The following PIEZO1 variants were observed in gnomAD, a reference collection of about 807,000 sequenced individuals.
The protein encoded by PIEZO1 is piezo-type mechanosensitive ion channel component 1.
A neutral mutation model predicts 297.2 loss-of-function variants in PIEZO1; 296 were observed. That is an observed-to-expected ratio of 1.00 (90% CI 0.91 to 1.10). The LOEUF (loss-of-function observed/expected upper bound fraction) is 1.10. PIEZO1 is among the 50% of genes least tolerant of loss of function. PIEZO1 has a pLI of 0.00. For missense variants in PIEZO1, 5,018 were observed against 3,455.5 expected (o/e 1.45, Z -11.34); for synonymous variants, 2,427 against 1,507.5 (o/e 1.61, Z -14.13).
At position 88,733,920 on chromosome 16, in the gene PIEZO1, G is replaced by A. The variant is rs561264067; in HGVS notation, c.2315C>T (p.Thr772Met). 3.9e-5 allele frequency: 59 copies of A among 1,516,080 alleles called. No individual in the cohort carries two copies. Among genetic ancestry groups the A allele is most frequent in the South Asian group, 8.6e-5 (7 of 81,048 alleles). The allele number at this position is 1,516,080 out of a possible 1,614,324, so 93.9% of individuals were successfully genotyped here. A position where few individuals can be genotyped will look rare whatever the true frequency, so the allele number is the denominator to read the frequency against. ...GCCCAACCCACCTTCAGGCACCTGC[G>A]TGGCCTGGTGGGGAGTGGCCACGCC... ...GLGVATPHQA[T>M]QVPEGAAKWG... The change falls in exon 17 of 51, where the codon ACG (threonine) becomes ATG (methionine). Residue 772 changes from threonine (T) to methionine (M), a missense_variant. Coordinates refer to ENST00000301015, the MANE Select transcript of PIEZO1 (RefSeq NM_001142864.4).
At chr16:88,773,175 C>G (rs187254538) in intron 1 of PIEZO1, among the ~76,000 whole-genome samples, 8 of 152,344 alleles carry the variant, frequency 5.3e-5, no homozygotes, top group Non-Finnish European at 7.4e-5. Flanking sequence ...CTCATTGATT[C>G]AGGCTGAGCC....
chr16:88,762,395 C>G (rs754593389), intron 1 of PIEZO1, among the ~76,000 whole-genome samples: 4 of 152,216 alleles, frequency 2.6e-5, no homozygotes, highest in African/African-American at 9.7e-5. Flanking sequence ...ACCCTTGGAT[C>G]GGCCCTGCCC....
chr16:88,737,470 G>C (rs1905299549), intron 10 of PIEZO1, 89 bp downstream of exon 10: 2 of 878,532 alleles, frequency 2.3e-6, no homozygotes, highest in Non-Finnish European at 3.4e-6. Flanking sequence ...GCGCGAGCAT[G>C]CGAGAGCGCC....
rs1391230869 is a variant in PIEZO1, at chr16:88,731,815, C to A, written c.3087G>T (p.Arg1029Ser). ...GCWLVAILTRRHRQAIARLWP... is the reference protein window; with the variant it reads ...GCWLVAILTRSHRQAIARLWP... The stretch of plus-strand genomic sequence containing the variant: ...AGAGGCGGGCAATGGCCTGGCGGTG[C>A]CTGCGGGTGAGGATGGCCACCAGCC... Residue 1029 changes from arginine (R) to serine (S), a missense_variant, in exon 22 of 51, where the codon AGG (arginine) becomes AGT (serine). Arg to Ser is a moderately radical substitution (Grantham distance 110, BLOSUM62 -1). Coordinates refer to ENST00000301015, the MANE Select transcript of PIEZO1 (RefSeq NM_001142864.4). 1 of 1,353,066 alleles carries A rather than the reference C, an allele frequency of 7.4e-7. No homozygotes were observed. Among genetic ancestry groups the A allele is most frequent in the Admixed American group, 2.4e-5 (1 of 41,474 alleles). 83.8% of individuals were successfully genotyped at this position (1,353,066 alleles called of 1,614,324 possible).
At chr16:88,775,726 C>CAAAAAAAAAAAAAA (rs3052234) in intron 1 of PIEZO1, among the ~76,000 whole-genome samples, 1 of 98,706 alleles carries the variant, frequency 1.0e-5, no homozygotes, top group East Asian at 2.8e-4. Context: ...AAGACGCTGT[C>CAAAAAAAAAAAAAA]AAAAAAAAAA....
At chr16:88,739,451 G>C (rs988988849) in intron 5 of PIEZO1, 1 of 152,198 alleles carries the variant, frequency 6.6e-6, no homozygotes, top group African/African-American at 2.4e-5. Context: ...GGCTGCCACC[G>C]GCCCAGTGTC....
At chr16:88,783,855 A>C (rs1332603894) in intron 1 of PIEZO1, among the ~76,000 whole-genome samples, 8 of 152,184 alleles carry the variant, frequency 5.3e-5, no homozygotes, top group Admixed American at 6.5e-5. Flanking sequence ...AGATCCCCAA[A>C]GCTAGCGCTG....
Position 88,715,509 on chromosome 16 carries a change from C to A in PIEZO1, c.*96G>T, listed in dbSNP as rs1000925279. The A allele has an allele frequency of 4.7e-6, 6 of 1,287,494 alleles. No individual in the cohort carries two copies. The highest frequency in any genetic ancestry group is 6.4e-6 in the Non-Finnish European group (6 of 936,610). 79.8% of individuals were successfully genotyped at this position (1,287,494 alleles called of 1,614,324 possible). A position where few individuals can be genotyped will look rare whatever the true frequency, so the allele number is the denominator to read the frequency against. ...ATGCATCACAGCTGGCGGCCTTGGA[C>A]GGGGCAGTGGCTCCCCCGGCCTGAG... On this transcript the variant is annotated 3_prime_UTR_variant, in exon 51 of 51. Transcript: ENST00000301015.
intron 1 of PIEZO1, among the ~76,000 whole-genome samples, chr16:88,752,736 T>C (rs993445403): frequency 1.1e-4 from 16 of 151,996 alleles, no homozygotes; most frequent in African/African-American, 3.9e-4. Context: ...GATGGGGGCA[T>C]GGGAGGCACC....
At chr16:88,719,358 A>G in intron 44 of PIEZO1, 1 of 566,366 alleles carries the variant, frequency 1.8e-6, no homozygotes, top group South Asian at 2.0e-5. Context: ...AACAGGACCA[A>G]CTCCGCTGCC....
In PIEZO1 at chr16:88,720,247, A is replaced by C; in HGVS notation, c.5986T>G (p.Ser1996Ala). 6.4e-7 allele frequency: 1 copy of C among 1,550,446 alleles called. No homozygotes were observed. Among genetic ancestry groups the C allele is most frequent in the Non-Finnish European group, 8.7e-7 (1 of 1,146,966 alleles). The change falls in exon 42 of 51, where the codon TCA becomes GCA. Residue 1996 changes from serine to alanine, a missense_variant. Transcript: ENST00000301015. ...SAATDITSSLSDDQVPEAFLV... is the reference protein window; with the variant it reads ...SAATDITSSLADDQVPEAFLV... ...AAAGCCTCGGGTACCTGGTCGTCTG[A>C]TAGGGAGGACGTGATGTCTGTGGCC...
rs969290603 is a variant in PIEZO1, at chr16:88,715,541, C to T, written c.*64G>A. The stretch of plus-strand genomic sequence containing the variant: ...GTGGCTCCCCCGGCCTGAGGAGTGC[C>T]GCCCCTTGTGGCCACGCTGCCCAGC... On this transcript the variant is annotated 3_prime_UTR_variant, in exon 51 of 51. Transcript: ENST00000301015. The T allele has an allele frequency of 4.3e-5, 63 of 1,478,424 alleles. No homozygotes were observed. The highest frequency in any genetic ancestry group is 2.2e-4 in the Admixed American group (11 of 50,326). 91.6% of individuals were successfully genotyped at this position (1,478,424 alleles called of 1,614,324 possible). A position where few individuals can be genotyped will look rare whatever the true frequency, so the allele number is the denominator to read the frequency against.
chr16:88,748,850 T>G (rs144585591), intron 2 of PIEZO1, among the ~76,000 whole-genome samples: 2 of 148,500 alleles, frequency 1.3e-5, no homozygotes, highest in East Asian at 4.0e-4. Flanking sequence ...CGAGGATTAC[T>G]TGAACCTGGG....
rs1206423811 is a variant in PIEZO1 at position 88,721,324 on chromosome 16, G to A, written c.5510C>T (p.Thr1837Ile). 1.3e-6 allele frequency: 2 copies of A among 1,546,604 alleles called. No individual in the cohort carries two copies. The highest frequency in any genetic ancestry group is 8.7e-7 in the Non-Finnish European group (1 of 1,146,722). Residue 1837 changes from threonine to isoleucine, a missense_variant, in exon 39 of 51, where the codon ACC becomes ATC. By Grantham distance (89) the Thr-to-Ile change is moderately conservative. Coordinates refer to ENST00000301015, the MANE Select transcript of PIEZO1 (RefSeq NM_001142864.4). ...AEEGPGVPAA[T>I]TEDHIQVEAR... Reference sequence around the variant, plus strand: ...TTCCACCTGAATGTGGTCTTCGGTGGTGGCCGCAGGCACCCCTGGCCCCTC... The same window carrying A: ...TTCCACCTGAATGTGGTCTTCGGTGATGGCCGCAGGCACCCCTGGCCCCTC...
intron 2 of PIEZO1, among the ~76,000 whole-genome samples, chr16:88,746,178 C>A (rs1209433843): frequency 2.0e-5 from 3 of 152,092 alleles, no homozygotes; most frequent in African/African-American, 7.2e-5. Context: ...GGTAGGGCCA[C>A]GAGAGGGGCC....
rs1555560998 is a variant in PIEZO1 at position 88,757,323 on chromosome 16, G to GC, written c.65-7845_65-7844insG. Among the ~76,000 whole-genome samples the GC allele has an allele frequency of 5.1e-5, 5 of 98,538 alleles. 1 individual carries two copies. Among genetic ancestry groups the GC allele is most frequent in the Admixed American group, 9.9e-5 (1 of 10,060 alleles). The allele number at this position is 98,538 out of a possible 152,430, so 64.6% of individuals were successfully genotyped here. Reference sequence around the variant, plus strand: ...GTATGCAGGGGGCGTTGCTGGCGGGGGGGTGGGGGGTAGTTACCTAACCTG... The same window carrying GC: ...GTATGCAGGGGGCGTTGCTGGCGGGGCGGGTGGGGGGTAGTTACCTAACCTG... On this transcript the variant is annotated intron_variant, in intron 1 of 50. Coordinates refer to ENST00000301015, the MANE Select transcript of PIEZO1 (RefSeq NM_001142864.4).
chr16:88,719,349 A>C, intron 44 of PIEZO1: 1 of 547,912 alleles, frequency 1.8e-6, no homozygotes, highest in African/African-American at 1.9e-5. Context: ...CCTGCCTGGA[A>C]CAGGACCAAC....
chr16:88,731,063 T>C (rs2340981), intron 22 of PIEZO1: 47,490 of 154,950 alleles, frequency 0.31, 9,318 homozygotes, highest in African/African-American at 0.56. Flanking sequence ...TGAGCAGACC[T>C]GCAGCACCAG....
At chr16:88,784,756 G>C (rs1908101130) in intron 1 of PIEZO1, 145 bp downstream of exon 1, 2 of 505,610 alleles carry the variant, frequency 4.0e-6, no homozygotes, top group African/African-American at 2.0e-5. Flanking sequence ...TCAGGAATGC[G>C]GGCGCCCGGG....
Sources: allele counts gnomAD v4.1 joint callset (sites outside exome capture counted in the v4.1 genomes callset), GRCh38; gene constraint gnomAD v4.1.1; transcripts MANE v1.5; gene names NCBI Gene and HGNC (gene_info 2026-07-23, HGNC 2026-07-21).